Variants in ARFGEF3 observed in about 807,000 individuals in gnomAD.
ARFGEF3 encodes the protein ARFGEF family member 3, also known as brefeldin A-inhibited guanine nucleotide-exchange protein 3.
In ARFGEF3, 96 loss-of-function variants were observed where a neutral mutation model predicts 221.7. The observed-to-expected ratio is 0.43, with a 90% CI of 0.37 to 0.51. ARFGEF3 has a LOEUF of 0.51. ARFGEF3 is among the 20% of genes least tolerant of loss of function. The pLI, the probability that ARFGEF3 is intolerant of heterozygous loss-of-function variation, is 0.00. For missense variants in ARFGEF3, 2,410 were observed against 2,789.9 expected (o/e 0.86, Z 3.07); for synonymous variants, 1,145 against 1,126.8 (o/e 1.02, Z -0.32).
At chr6:138,275,018 A>G (rs565469680) in intron 12 of ARFGEF3, among the ~76,000 whole-genome samples, 10 of 151,786 alleles carry the variant, frequency 6.6e-5, no homozygotes, top group African/African-American at 2.2e-4. Flanking sequence ...GAGGCAGGAG[A>G]ATTGCTTGAA....
intron 7 of ARFGEF3, among the ~76,000 whole-genome samples, chr6:138,243,309 TA>T (rs1465544469): frequency 2.6e-5 from 4 of 152,182 alleles, no homozygotes; most frequent in Non-Finnish European, 5.9e-5. Flanking sequence ...GTTTAATTGC[TA>T]AAATGAGAAT....
intron 26 of ARFGEF3, 66 bp from the exon 27 acceptor site, chr6:138,317,185 G>T (rs1459123833): frequency 5.6e-5 from 88 of 1,557,732 alleles, no homozygotes; most frequent in Non-Finnish European, 7.7e-5. Flanking sequence ...ATGTTTAATT[G>T]GATCTTGAGA....
chr6:138,204,727 A>G (rs1777598314), intron 2 of ARFGEF3, among the ~76,000 whole-genome samples: 1 of 152,216 alleles, frequency 6.6e-6, no homozygotes, highest in Non-Finnish European at 1.5e-5. Context: ...TTTATGGATA[A>G]GGGAGCTAAG....
chr6:138,318,826 CAA>C (rs1296468551), intron 27 of ARFGEF3, among the ~76,000 whole-genome samples: 1 of 151,818 alleles, frequency 6.6e-6, no homozygotes, highest in Non-Finnish European at 1.5e-5. Flanking sequence ...GTCTATAAAA[CAA>C]AAAAATTAGA....
At chr6:138,296,108 C>G (rs1222339753) in intron 20 of ARFGEF3, among the ~76,000 whole-genome samples, 2 of 152,066 alleles carry the variant, frequency 1.3e-5, no homozygotes, top group African/African-American at 4.8e-5. Context: ...GATTAGGGCA[C>G]CAAGAGAGCC....
intron 10 of ARFGEF3, among the ~76,000 whole-genome samples, chr6:138,260,813 T>C (rs1778777965): frequency 6.6e-6 from 1 of 151,530 alleles, no homozygotes; most frequent in African/African-American, 2.4e-5. Context: ...GAAATAAAAA[T>C]GAAAAAAGTA....
intron 1 of ARFGEF3, among the ~76,000 whole-genome samples, chr6:138,169,089 T>A (rs1031380222): frequency 2.0e-5 from 3 of 152,160 alleles, no homozygotes; most frequent in Admixed American, 2.0e-4. Flanking sequence ...TTTCTAAAGA[T>A]GAGGGAACTG....
intron 4 of ARFGEF3, among the ~76,000 whole-genome samples, chr6:138,223,123 A>T (rs1258939682): frequency 3.3e-5 from 5 of 152,160 alleles, no homozygotes; most frequent in Non-Finnish European, 5.9e-5. Flanking sequence ...TTCAGCAATG[A>T]ACACTCCATT....
At chr6:138,267,953 GTA>G (rs1778927811) in intron 12 of ARFGEF3, among the ~76,000 whole-genome samples, 1 of 152,214 alleles carries the variant, frequency 6.6e-6, no homozygotes, top group Admixed American at 6.5e-5. Context: ...TGACATCACA[GTA>G]TTTTTCTATT....
chr6:138,166,033 C>A (rs1438930697), intron 1 of ARFGEF3, among the ~76,000 whole-genome samples: 1 of 152,172 alleles, frequency 6.6e-6, no homozygotes, highest in Non-Finnish European at 1.5e-5. Flanking sequence ...AAAATGGCTT[C>A]CTGGAAGTAA....
intron 6 of ARFGEF3, among the ~76,000 whole-genome samples, chr6:138,239,085 T>G (rs975066232): frequency 1.3e-5 from 2 of 152,214 alleles, no homozygotes; most frequent in African/African-American, 4.8e-5. Flanking sequence ...GAAACTAAAC[T>G]TGTCTTCTCT....
At chr6:138,227,966 G>T (rs1778118006) in intron 4 of ARFGEF3, among the ~76,000 whole-genome samples, 1 of 152,158 alleles carries the variant, frequency 6.6e-6, no homozygotes, top group Non-Finnish European at 1.5e-5. Flanking sequence ...CCACCACTGT[G>T]TACTTACAGG....
At chr6:138,333,599 T>C (rs6570226) in intron 32 of ARFGEF3, among the ~76,000 whole-genome samples, 11,396 of 152,038 alleles carry the variant, frequency 0.075, 1,315 homozygotes, top group African/African-American at 0.25. Flanking sequence ...CCCGCCACCA[T>C]GCCCGGCTAA....
chr6:138,299,240 AT>A (rs1232636233), intron 22 of ARFGEF3, among the ~76,000 whole-genome samples: 3 of 150,782 alleles, frequency 2.0e-5, no homozygotes, highest in South Asian at 4.2e-4. Flanking sequence ...AAGTTAAGCA[AT>A]TTGACTAGAC....
At chr6:138,279,858 C>T in intron 13 of ARFGEF3, 141 bp from the exon 14 acceptor site, 1 of 720,732 alleles carries the variant, frequency 1.4e-6, no homozygotes, top group Non-Finnish European at 2.3e-6. Context: ...TCTACTTCTC[C>T]CCACTTGCCG....
At position 138,313,833 on chromosome 6, in the gene ARFGEF3, A is replaced by G. The variant is rs754045988; in HGVS notation, c.4239A>G (p.Ile1413Met). 4 of 1,613,892 alleles carry G rather than the reference A, an allele frequency of 2.5e-6. No individual in the cohort carries two copies. The highest frequency in any genetic ancestry group is 3.4e-6 in the Non-Finnish European group (4 of 1,179,868). The change falls in exon 26 of 34, where the codon ATA (isoleucine) becomes ATG (methionine). Residue 1413 changes from isoleucine (I) to methionine (M), a missense_variant. Around this residue, in one of 5 missense-constraint regions of ARFGEF3, gnomAD observed 723 missense variants for 991.9 expected, o/e 0.73. Coordinates refer to ENST00000251691, the MANE Select transcript of ARFGEF3 (RefSeq NM_020340.5). Reference protein sequence around the residue: ...AKIYKMPLKPIFLSGRLAGLP... With the variant: ...AKIYKMPLKPMFLSGRLAGLP... ...TCTACAAAATGCCCTTGAAGCCAAT[A>G]TTCCTTAGTGGGAGACTTGCCGGCT...
At chr6:138,185,254 G>C (rs978328176) in intron 2 of ARFGEF3, among the ~76,000 whole-genome samples, 7 of 152,196 alleles carry the variant, frequency 4.6e-5, no homozygotes, top group African/African-American at 1.7e-4. Context: ...GCCAGCCAGG[G>C]AATGAAGCTG....
At chr6:138,166,827 T>C (rs1365900931) in intron 1 of ARFGEF3, among the ~76,000 whole-genome samples, 2 of 152,160 alleles carry the variant, frequency 1.3e-5, no homozygotes, top group African/African-American at 4.8e-5. Context: ...GAAGGCCAAG[T>C]AGGGGAAGAG....
chr6:138,272,271 T>G (rs1779017392), intron 12 of ARFGEF3, among the ~76,000 whole-genome samples: 1 of 152,194 alleles, frequency 6.6e-6, no homozygotes, highest in African/African-American at 2.4e-5. Flanking sequence ...TTCTCCTGCC[T>G]CAGCCTCCTG....
Sources: allele counts gnomAD v4.1 joint callset (sites outside exome capture counted in the v4.1 genomes callset), GRCh38; gene constraint gnomAD v4.1.1; regional missense constraint gnomAD v4.1.1; transcripts MANE v1.5; gene names NCBI Gene and HGNC (gene_info 2026-07-23, HGNC 2026-07-21).